RNF217: variants seen among roughly 807,000 people sequenced by gnomAD.
RNF217 encodes the protein E3 ubiquitin-protein ligase RNF217.
Under a neutral mutation model 57.8 loss-of-function variants are expected in RNF217, and 31 were observed. The ratio of observed to expected loss-of-function variants is 0.54; its 90% CI spans 0.40 to 0.72. RNF217 has a LOEUF of 0.72. Among genes scored for constraint, RNF217 ranks in the 30% least tolerant of loss-of-function variants. The pLI is 0.00. For missense variants in RNF217, 696 were observed against 708.3 expected (o/e 0.98, Z 0.20); for synonymous variants, 313 against 294.0 (o/e 1.06, Z -0.66).
At chr6:125,066,767 C>T (rs1489258142) in intron 3 of RNF217, among the ~76,000 whole-genome samples, 2 of 152,154 alleles carry the variant, frequency 1.3e-5, no homozygotes, top group Admixed American at 1.3e-4. Context: ...GTCTGAGTTA[C>T]CTCTAGTATT....
In RNF217 at chr6:124,999,040, G is replaced by A. The variant is rs149213998; in HGVS notation, c.882+35614G>A. On this transcript the variant is annotated intron_variant, in intron 1 of 5. Coordinates refer to ENST00000521654, the MANE Select transcript of RNF217 (RefSeq NM_001286398.3). Reference sequence around the variant, plus strand: ...CTTTACATATAGTATAGAGCTTGCAGTTGATTTATAGCAGTATTTGACATA... The same window carrying A: ...CTTTACATATAGTATAGAGCTTGCAATTGATTTATAGCAGTATTTGACATA... 2.0e-3 allele frequency among the ~76,000 whole-genome samples: 312 copies of A among 152,290 alleles called. 2 individuals carry two copies. Among genetic ancestry groups the A allele is most frequent in the Admixed American group, 6.9e-3 (105 of 15,292 alleles).
At chr6:124,996,441 A>C (rs1784754265) in intron 1 of RNF217, 1 of 151,932 alleles carries the variant, frequency 6.6e-6, no homozygotes, top group Non-Finnish European at 1.5e-5. Flanking sequence ...CTCAATACTA[A>C]TCTTTTGTTA....
intron 1 of RNF217, among the ~76,000 whole-genome samples, chr6:125,031,775 A>T (rs933128638): frequency 2.0e-5 from 3 of 151,912 alleles, no homozygotes; most frequent in African/African-American, 7.3e-5. Flanking sequence ...AGCTGTTCCA[A>T]CCTCTGCCTG....
intron 1 of RNF217, among the ~76,000 whole-genome samples, chr6:125,036,797 C>G (rs1786641911): frequency 6.6e-6 from 1 of 151,640 alleles, no homozygotes; most frequent in Non-Finnish European, 1.5e-5. Flanking sequence ...AAATGCAAAT[C>G]AAAACCACAA....
intron 2 of RNF217, among the ~76,000 whole-genome samples, chr6:125,050,998 C>G (rs1384295335): frequency 1.3e-5 from 2 of 151,892 alleles, no homozygotes; most frequent in Non-Finnish European, 2.9e-5. Flanking sequence ...TAACACTCAG[C>G]TATGATGCAA....
chr6:124,963,539 AG>A, intron 1 of RNF217, 113 bp downstream of exon 1: 1 of 1,246,744 alleles, frequency 8.0e-7, no homozygotes, highest in Non-Finnish European at 1.1e-6. Context: ...ACACTTACTG[AG>A]GATCTCTGTT....
At chr6:124,971,632 T>G (rs1783765039) in intron 1 of RNF217, 1 of 176,796 alleles carries the variant, frequency 5.7e-6, no homozygotes, top group South Asian at 8.8e-5. Flanking sequence ...ATTTTTGTAT[T>G]TTTAGTAGAG....
intron 1 of RNF217, among the ~76,000 whole-genome samples, chr6:124,989,794 C>T (rs1449913337): frequency 6.6e-6 from 1 of 150,778 alleles, no homozygotes; most frequent in Admixed American, 6.6e-5. Flanking sequence ...GAACTCTGTC[C>T]TATATTATTG....
intron 1 of RNF217, among the ~76,000 whole-genome samples, chr6:124,982,657 G>A (rs1431430764): frequency 6.6e-6 from 1 of 152,062 alleles, no homozygotes; most frequent in Non-Finnish European, 1.5e-5. Flanking sequence ...GTCTATGCTA[G>A]ATCTTGCCTG....
chr6:125,005,292 G>A (rs1183622483), intron 1 of RNF217, among the ~76,000 whole-genome samples: 1 of 152,164 alleles, frequency 6.6e-6, no homozygotes, highest in African/African-American at 2.4e-5. Flanking sequence ...TCAGAAAAGT[G>A]CCTAAAGCTT....
At chr6:125,048,358 G>C in intron 2 of RNF217, 1 of 931,768 alleles carries the variant, frequency 1.1e-6, no homozygotes, top group Non-Finnish European at 1.5e-6. Context: ...TTTAAGAGGA[G>C]TGAATTCAAG....
intron 1 of RNF217, among the ~76,000 whole-genome samples, chr6:125,033,158 G>T (rs1433919787): frequency 6.7e-6 from 1 of 150,272 alleles, no homozygotes; most frequent in Non-Finnish European, 1.5e-5. Flanking sequence ...TCAGAGTTTG[G>T]ATTTCAACTA....
At chr6:124,978,515 T>C (rs1400561285) in intron 1 of RNF217, among the ~76,000 whole-genome samples, 1 of 151,870 alleles carries the variant, frequency 6.6e-6, no homozygotes, top group Admixed American at 6.6e-5. Flanking sequence ...CAGTTCTCGC[T>C]TGTGGAGTCC....
intron 2 of RNF217, among the ~76,000 whole-genome samples, chr6:125,056,035 C>A (rs1787510333): frequency 6.6e-6 from 1 of 151,812 alleles, no homozygotes; most frequent in Non-Finnish European, 1.5e-5. Context: ...ATAAGTAGAT[C>A]TTGAAAAGAA....
chr6:124,994,447 C>G (rs191755036), intron 1 of RNF217, among the ~76,000 whole-genome samples: 1 of 152,258 alleles, frequency 6.6e-6, no homozygotes, highest in Non-Finnish European at 1.5e-5. Context: ...CATTATATAT[C>G]TAGTCAGTGT....
intron 4 of RNF217, among the ~76,000 whole-genome samples, chr6:125,081,060 A>G (rs1444121590): frequency 1.3e-5 from 2 of 152,060 alleles, no homozygotes; most frequent in African/African-American, 4.8e-5. Flanking sequence ...TCTCCTACCA[A>G]CTCAAAATGT....
intron 3 of RNF217, among the ~76,000 whole-genome samples, chr6:125,065,339 C>T (rs965909054): frequency 1.3e-5 from 2 of 148,394 alleles, no homozygotes; most frequent in Non-Finnish European, 3.0e-5. Context: ...TGTGTTTATA[C>T]GTAAAATAGA....
intron 1 of RNF217, among the ~76,000 whole-genome samples, chr6:125,005,056 G>T (rs1430765724): frequency 6.6e-6 from 1 of 152,144 alleles, no homozygotes; most frequent in Non-Finnish European, 1.5e-5. Context: ...GAAAGGGAAA[G>T]GGGGCAGAAC....
intron 1 of RNF217, among the ~76,000 whole-genome samples, chr6:125,020,173 G>A (rs1785783657): frequency 6.6e-6 from 1 of 152,182 alleles, no homozygotes; most frequent in Non-Finnish European, 1.5e-5. Flanking sequence ...CCGCTGGCTT[G>A]GGCTCAGATG....
Sources: gnomAD v4.1 joint callset for allele counts (sites outside exome capture counted in the v4.1 genomes callset) on GRCh38, gnomAD v4.1.1 for gene constraint, MANE v1.5 for transcripts, NCBI Gene and HGNC (gene_info 2026-07-23, HGNC 2026-07-21) for gene names.